Variants in INPP5B observed in about 807,000 individuals in gnomAD.
The protein encoded by INPP5B is inositol polyphosphate-5-phosphatase B.
INPP5B carries 90 observed loss-of-function variants against 118.5 expected under a neutral mutation model. The observed-to-expected ratio is 0.76, with a 90% CI of 0.64 to 0.90. The LOEUF (loss-of-function observed/expected upper bound fraction) is 0.90, where lower values mean the gene tolerates loss of function less well. Among genes scored for constraint, INPP5B ranks in the 40% least tolerant of loss-of-function variants. INPP5B has a pLI of 0.00. For synonymous variants in INPP5B, 385 were observed against 418.9 expected (o/e 0.92, Z 0.99); for missense variants, 984 against 1,125.6 (o/e 0.87, Z 1.80).
At chr1:37,919,711 G>C (rs748184680) in intron 7 of INPP5B, among the ~76,000 whole-genome samples, 5 of 152,122 alleles carry the variant, frequency 3.3e-5, no homozygotes, top group Non-Finnish European at 5.9e-5. Context: ...AGCCGAGGTG[G>C]GCAGATCACC....
intron 7 of INPP5B, among the ~76,000 whole-genome samples, chr1:37,911,178 C>A (rs531525155): frequency 7.2e-5 from 11 of 152,310 alleles, no homozygotes; most frequent in South Asian, 4.1e-4. Context: ...TAGAGGCCCT[C>A]AAAATCACAA....
intron 7 of INPP5B, among the ~76,000 whole-genome samples, chr1:37,910,086 C>T (rs1644639421): frequency 6.6e-6 from 1 of 152,222 alleles, no homozygotes; most frequent in African/African-American, 2.4e-5. Context: ...GGCTCTCTGA[C>T]TGACTCCTTC....
At chr1:37,877,074 CA>C (rs1642880570) in intron 16 of INPP5B, among the ~76,000 whole-genome samples, 1 of 146,256 alleles carries the variant, frequency 6.8e-6, no homozygotes, top group African/African-American at 2.5e-5. Context: ...TGAAAAAAAA[CA>C]AAAAGAAAAG....
chr1:37,882,724 G>T (rs1357044144), intron 14 of INPP5B, 83 bp downstream of exon 14: 6 of 989,960 alleles, frequency 6.1e-6, no homozygotes, highest in Non-Finnish European at 9.5e-6. Flanking sequence ...GGAGGAAGAG[G>T]CTGCGAGTTT....
rs995045496 is a variant in INPP5B at position 37,931,991 on chromosome 1, G to A, written c.454C>T (p.Leu152=). Residue 152 remains leucine, a synonymous_variant, in exon 7 of 24, where the codon CTG becomes TTG. Coordinates refer to ENST00000373024, the MANE Select transcript of INPP5B (RefSeq NM_005540.3). ...CGCGGCGTTGGCATCTCCAGCTCCA[G>A]CTCTGCGCACCTATACCGAGACAGC... ...LWLSRYRCAE[L]ELEMPTPRGC... 2 of 1,613,668 alleles carry A rather than the reference G, an allele frequency of 1.2e-6. No individual in the cohort carries two copies. The highest frequency in any genetic ancestry group is 1.3e-5 in the African/African-American group (1 of 75,032).
chr1:37,941,899 C>T (rs1483712273), intron 5 of INPP5B, among the ~76,000 whole-genome samples: 1 of 102,304 alleles, frequency 9.8e-6, no homozygotes, highest in Middle Eastern at 5.6e-3. Context: ...GATCGCGCCA[C>T]TGCACTCCAG....
chr1:37,932,679 T>C lies in INPP5B; in HGVS notation c.392-626A>G, dbSNP rs1238158674. Among the ~76,000 whole-genome samples, 4 of 152,226 alleles carry C rather than the reference T, an allele frequency of 2.6e-5. No individual in the cohort carries two copies. In the East Asian group the frequency reaches 7.7e-4, roughly 29 times the overall value. ...ACCACCCCCGGCCTATTATCCCCAT[T>C]TTATATACAAGGCAACCAAGTTCAG... On this transcript the variant is annotated intron_variant, in intron 6 of 23. Coordinates refer to ENST00000373024, the MANE Select transcript of INPP5B (RefSeq NM_005540.3).
Position 37,873,147 on chromosome 1 carries a change from T to G in INPP5B, c.1970A>C (p.Asp657Ala). Residue 657 changes from aspartate (D) to alanine (A), a missense_variant, in exon 19 of 24, where the codon GAC becomes GCC. Asp to Ala is a moderately radical substitution (Grantham distance 126). Coordinates refer to ENST00000373024, the MANE Select transcript of INPP5B (RefSeq NM_005540.3). ...FLLPDSDVEI[D>A]LELFVNKMTA... ...CATCTTATTTACGAAGAGCTCCAAG[T>G]CAATCTCAACATCAGAATCTGCAGA... 1 of 1,613,124 alleles carries G rather than the reference T, an allele frequency of 6.2e-7. No individual in the cohort carries two copies. The highest frequency in any genetic ancestry group is 8.5e-7 in the Non-Finnish European group (1 of 1,179,162).
At chr1:37,903,510 A>G (rs184212867) in intron 7 of INPP5B, among the ~76,000 whole-genome samples, 49 of 152,300 alleles carry the variant, frequency 3.2e-4, no homozygotes, top group African/African-American at 1.1e-3. Flanking sequence ...GTGGATCACC[A>G]GGTCAGGAGA....
At chr1:37,893,085 C>CTTTTTTTTTTTTTTT (rs71053999) in intron 7 of INPP5B, among the ~76,000 whole-genome samples, 4 of 81,438 alleles carry the variant, frequency 4.9e-5, no homozygotes, top group East Asian at 3.4e-4. Context: ...TTTTCTTTTT[C>CTTTTTTTTTTTTTTT]TTTTTTTTTT....
chr1:37,943,372 G>A (rs1646004454), intron 5 of INPP5B, among the ~76,000 whole-genome samples: 1 of 152,098 alleles, frequency 6.6e-6, no homozygotes. Context: ...AGTTGGCTAG[G>A]TGAAGAGATG....
rs1326788094 is a variant in INPP5B, at chr1:37,861,649, G to C, written c.*666C>G. The stretch of plus-strand genomic sequence containing the variant: ...AGAGGCTGAGGCAGGAGAATTGCTT[G>C]AACCAAGGAGGCAGAGGTTGCAGTG... On this transcript the variant is annotated 3_prime_UTR_variant, in exon 24 of 24. Transcript: ENST00000373024. 1 of 151,536 alleles carries C rather than the reference G, an allele frequency of 6.6e-6. No homozygotes were observed. Among genetic ancestry groups the C allele is most frequent in the African/African-American group, 2.4e-5 (1 of 41,158 alleles). The allele number at this position is 151,536 out of a possible 1,614,324, so 9.4% of individuals were successfully genotyped here.
At position 37,865,847 on chromosome 1, in the gene INPP5B, G is replaced by A; in HGVS notation, c.2428C>T (p.Leu810=). 6.2e-7 allele frequency: 1 copy of A among 1,613,770 alleles called. No individual in the cohort carries two copies. The highest frequency in any genetic ancestry group is 8.5e-7 in the Non-Finnish European group (1 of 1,179,790). Residue 810 remains leucine, a synonymous_variant, in exon 22 of 24, where the codon CTG becomes TTG. Transcript: ENST00000373024. ...HSVAEALLLF[L]ESLPEPVICY... ...ATGACAGGCTCTGGAAGGCTCTCCA[G>A]GAAAAGCAGCAGGGCTTCGGCTACA... is the stretch of plus-strand genomic sequence containing the variant.
Position 37,935,094 on chromosome 1 carries a change from G to A in INPP5B, c.392-3041C>T, listed in dbSNP as rs1383168087. Among the ~76,000 whole-genome samples, 5 of 149,428 alleles carry A rather than the reference G, an allele frequency of 3.3e-5. 1 individual carries two copies. The highest frequency in any genetic ancestry group is 3.3e-4 in the Admixed American group (5 of 15,062). Reference sequence around the variant, plus strand: ...CGGGCGCCTGTACTCCCAGCTACTCGGGAGGCTGAGGTGGGAGAATGGCGT... The same window carrying A: ...CGGGCGCCTGTACTCCCAGCTACTCAGGAGGCTGAGGTGGGAGAATGGCGT... On this transcript the variant is annotated intron_variant, in intron 6 of 23. Coordinates refer to ENST00000373024, the MANE Select transcript of INPP5B (RefSeq NM_005540.3).
At chr1:37,865,401 C>T (rs1641967210) in intron 22 of INPP5B, among the ~76,000 whole-genome samples, 1 of 152,134 alleles carries the variant, frequency 6.6e-6, no homozygotes, top group East Asian at 1.9e-4. Context: ...TTAGAATACA[C>T]AATCTGATGG....
intron 11 of INPP5B, 125 bp from the exon 12 acceptor site, chr1:37,887,129 A>G: frequency 1.2e-6 from 1 of 808,774 alleles, no homozygotes; most frequent in Non-Finnish European, 2.1e-6. Context: ...GAACACAGGT[A>G]ATCATCTGTT....
At position 37,874,139 on chromosome 1, in the gene INPP5B, A is replaced by T; in HGVS notation, c.1805T>A (p.Val602Glu). 2 of 1,573,906 alleles carry T rather than the reference A, an allele frequency of 1.3e-6. No homozygotes were observed. Among genetic ancestry groups the T allele is most frequent in the Non-Finnish European group, 1.7e-6 (2 of 1,150,162 alleles). The change falls in exon 18 of 24, where the codon GTG becomes GAG. Residue 602 changes from valine to glutamate, a missense_variant. Val to Glu is a moderately radical substitution (Grantham distance 121). Transcript: ENST00000373024. Reference protein sequence around the residue: ...LSKREFCFQNVKYMQLKVESF... With the variant: ...LSKREFCFQNEKYMQLKVESF... Reference sequence around the variant, plus strand: ...TTCTACTTTCAATTGCATGTACTTCACATTCTGAAAACAGAACTGGGAAGA... The same window carrying T: ...TTCTACTTTCAATTGCATGTACTTCTCATTCTGAAAACAGAACTGGGAAGA...
intron 7 of INPP5B, among the ~76,000 whole-genome samples, chr1:37,902,861 G>A (rs1644380373): frequency 6.6e-6 from 1 of 151,994 alleles, no homozygotes; most frequent in South Asian, 2.1e-4. Flanking sequence ...GTGCAAACCT[G>A]TAGTCCCAGC....
intron 23 of INPP5B, 112 bp from the exon 24 acceptor site, chr1:37,862,542 C>A (rs1357447238): frequency 2.8e-6 from 2 of 720,284 alleles, no homozygotes; most frequent in East Asian, 2.5e-5. Context: ...GTGATTTCAT[C>A]ATTGTGCAAA....
Sources: gnomAD v4.1 joint callset for allele counts (sites outside exome capture counted in the v4.1 genomes callset) on GRCh38, gnomAD v4.1.1 for gene constraint, MANE v1.5 for transcripts, NCBI Gene and HGNC (gene_info 2026-07-23, HGNC 2026-07-21) for gene names.